Variants in SPOCK1 observed in about 807,000 individuals in gnomAD.
The protein encoded by SPOCK1 is SPARC (osteonectin), cwcv and kazal like domains proteoglycan 1.
In SPOCK1, 23 loss-of-function variants were observed where a neutral mutation model predicts 55.3. That is an observed-to-expected ratio of 0.42 (90% confidence interval 0.30 to 0.59). The LOEUF (loss-of-function observed/expected upper bound fraction) is 0.59, where lower values mean the gene tolerates loss of function less well. Ranked by LOEUF, SPOCK1 falls within the 20% of genes least tolerant of loss-of-function variation. The pLI is 0.22. For synonymous variants in SPOCK1, 226 were observed against 221.0 expected, an observed-to-expected ratio of 1.02 and a Z score of -0.20; for missense variants, 499 against 552.5, an observed-to-expected ratio of 0.90 and a Z score of 0.97.
intron 2 of SPOCK1, among the ~76,000 whole-genome samples, chr5:137,292,192 A>C (rs1470782592): frequency 6.6e-6 from 1 of 152,136 alleles, no homozygotes; most frequent in African/African-American, 2.4e-5. Flanking sequence ...ATGTGTAACC[A>C]TGAGAATCCT....
intron 4 of SPOCK1, among the ~76,000 whole-genome samples, chr5:137,113,850 C>T (rs951492968): frequency 1.3e-4 from 20 of 152,040 alleles, no homozygotes; most frequent in African/African-American, 4.3e-4. Flanking sequence ...AAGCAGAAGA[C>T]GGAAATATTT....
chr5:137,199,871 T>A (rs553213896), intron 3 of SPOCK1, among the ~76,000 whole-genome samples: 66 of 152,194 alleles, frequency 4.3e-4, no homozygotes, highest in Non-Finnish European at 8.5e-4. Flanking sequence ...CTCTAACGCA[T>A]CCTGATATGA....
chr5:137,100,557 G>A (rs907364731), intron 5 of SPOCK1, among the ~76,000 whole-genome samples: 4 of 152,202 alleles, frequency 2.6e-5, no homozygotes, highest in Admixed American at 6.5e-5. Flanking sequence ...TACTTCTAAT[G>A]AGCTCAATCT....
chr5:137,043,791 A>T (rs560331310), intron 6 of SPOCK1, among the ~76,000 whole-genome samples: 2 of 152,350 alleles, frequency 1.3e-5, no homozygotes, highest in South Asian at 4.1e-4. Context: ...GCAAAGCCTA[A>T]GAAGACCTGA....
chr5:137,107,074 C>G (rs1753385590), intron 5 of SPOCK1, among the ~76,000 whole-genome samples: 1 of 152,210 alleles, frequency 6.6e-6, no homozygotes, highest in South Asian at 2.1e-4. Flanking sequence ...CACCTCCAAA[C>G]TGGTTGAGGT....
At chr5:137,496,040 CA>C (rs920946863) in intron 2 of SPOCK1, among the ~76,000 whole-genome samples, 21 of 149,526 alleles carry the variant, frequency 1.4e-4, no homozygotes, top group South Asian at 1.1e-3. Flanking sequence ...AAAACAAAAA[CA>C]AAAAAAAATA....
chr5:137,479,212 C>T (rs1025507310), intron 2 of SPOCK1, among the ~76,000 whole-genome samples: 1 of 151,950 alleles, frequency 6.6e-6, no homozygotes, highest in African/African-American at 2.4e-5. Context: ...CCGTGACTAA[C>T]GGAACAGAGA....
At chr5:137,130,815 C>A (rs868418310) in intron 4 of SPOCK1, among the ~76,000 whole-genome samples, 1 of 152,244 alleles carries the variant, frequency 6.6e-6, no homozygotes, top group Non-Finnish European at 1.5e-5. Flanking sequence ...ACTTGCAGCA[C>A]AGCAACATTG....
chr5:137,337,375 C>G (rs751290941), intron 2 of SPOCK1, among the ~76,000 whole-genome samples: 4 of 152,144 alleles, frequency 2.6e-5, no homozygotes, highest in Non-Finnish European at 5.9e-5. Flanking sequence ...AAACACATTT[C>G]CACTGGAGTT....
chr5:137,282,060 G>A (rs551192125), intron 2 of SPOCK1, among the ~76,000 whole-genome samples: 3 of 152,284 alleles, frequency 2.0e-5, no homozygotes, highest in African/African-American at 7.2e-5. Context: ...GAGGGCAATG[G>A]TGCCTACTCT....
intron 5 of SPOCK1, among the ~76,000 whole-genome samples, chr5:137,103,826 T>C (rs866294977): frequency 2.0e-5 from 3 of 152,246 alleles, no homozygotes; most frequent in Admixed American, 6.5e-5. Context: ...AAACTAATAG[T>C]TGAGGATTTT....
intron 6 of SPOCK1, among the ~76,000 whole-genome samples, chr5:137,036,967 G>A (rs187089318): frequency 6.6e-6 from 1 of 152,196 alleles, no homozygotes; most frequent in East Asian, 1.9e-4. Context: ...CGGCAGCCCT[G>A]GGAGAGAGAG....
intron 2 of SPOCK1, among the ~76,000 whole-genome samples, chr5:137,279,430 G>T (rs1757129319): frequency 6.6e-6 from 1 of 152,238 alleles, no homozygotes; most frequent in Non-Finnish European, 1.5e-5. Context: ...TACCACTGAA[G>T]CTAGTTCTTG....
chr5:137,440,995 T>C (rs766681509), intron 2 of SPOCK1, among the ~76,000 whole-genome samples: 26 of 152,230 alleles, frequency 1.7e-4, no homozygotes, highest in Non-Finnish European at 2.9e-4. Context: ...AATAGTTCTT[T>C]AATAACCTGA....
chr5:137,392,051 C>A (rs1751736744), intron 2 of SPOCK1, among the ~76,000 whole-genome samples: 1 of 152,146 alleles, frequency 6.6e-6, no homozygotes, highest in African/African-American at 2.4e-5. Flanking sequence ...GTGGCTTTTC[C>A]CACACTTGAC....
intron 6 of SPOCK1, among the ~76,000 whole-genome samples, chr5:137,025,593 A>G (rs944740310): frequency 6.6e-6 from 1 of 152,200 alleles, no homozygotes; most frequent in Non-Finnish European, 1.5e-5. Context: ...TCATGCCTGT[A>G]GTCCTAGGTA....
chr5:137,302,538 T>C (rs545900850), intron 2 of SPOCK1, among the ~76,000 whole-genome samples: 30 of 151,466 alleles, frequency 2.0e-4, no homozygotes, highest in South Asian at 4.2e-4. Flanking sequence ...GATTGTGCCA[T>C]TGCACTCCAG....
At chr5:137,442,782 A>G (rs1168343927) in intron 2 of SPOCK1, among the ~76,000 whole-genome samples, 2 of 152,230 alleles carry the variant, frequency 1.3e-5, no homozygotes, top group Non-Finnish European at 2.9e-5. Flanking sequence ...CTTGTGCCCA[A>G]CAGAAAATGA....
In SPOCK1 at chr5:137,408,761, C is replaced by A. The variant is rs116755662; in HGVS notation, c.186+89612G>T. On this transcript the variant is annotated intron_variant, in intron 2 of 10. Coordinates refer to ENST00000394945, the MANE Select transcript of SPOCK1 (RefSeq NM_004598.4). ...CAGCCTCCACCAACAGCCAATTCCCCCTGGAAATCAGAATAAGATGTCAAG... is the reference window on the plus strand; with the variant it reads ...CAGCCTCCACCAACAGCCAATTCCCACTGGAAATCAGAATAAGATGTCAAG... Among the ~76,000 whole-genome samples, 873 of 152,280 alleles carry A rather than the reference C, an allele frequency of 5.7e-3. 9 individuals carry two copies. The highest frequency in any genetic ancestry group is 0.02 in the African/African-American group (834 of 41,536).
Sources: gnomAD v4.1 joint callset for allele counts (sites outside exome capture counted in the v4.1 genomes callset) on GRCh38, gnomAD v4.1.1 for gene constraint, MANE v1.5 for transcripts, NCBI Gene and HGNC (gene_info 2026-07-23, HGNC 2026-07-21) for gene names.